The following MAPK10 variants were observed in gnomAD, a reference collection of about 807,000 sequenced individuals.
The protein encoded by MAPK10 is mitogen-activated protein kinase 10.
A neutral mutation model predicts 59.3 loss-of-function variants in MAPK10; 25 were observed. The ratio of observed to expected loss-of-function variants is 0.42; its 90% CI spans 0.31 to 0.59. The LOEUF is 0.59. Ranked by LOEUF, MAPK10 falls within the 20% of genes least tolerant of loss-of-function variation. The probability of loss-of-function intolerance (pLI) is 0.15; values close to 1 mark genes in which losing one functional copy is unlikely to be tolerated. For synonymous variants in MAPK10, 190 were observed against 200.5 expected, an observed-to-expected ratio of 0.95 and a Z score of 0.44; for missense variants, 351 against 568.9, an observed-to-expected ratio of 0.62 and a Z score of 3.90.
chr4:86,100,295 C>T (rs2055099911), intron 8 of MAPK10: 1 of 152,104 alleles, frequency 6.6e-6, no homozygotes, highest in South Asian at 2.1e-4. Flanking sequence ...TAATACATTG[C>T]AATGCTTTCT....
At chr4:86,136,738 G>T (rs28886577) in intron 4 of MAPK10, among the ~76,000 whole-genome samples, 1 of 151,022 alleles carries the variant, frequency 6.6e-6, no homozygotes, top group Non-Finnish European at 1.5e-5. Flanking sequence ...ACACAGACTG[G>T]CAAATTGGAT....
rs562312558 is a variant in MAPK10, at chr4:86,062,975, A to C, written c.1110+1291T>G. On this transcript the variant is annotated intron_variant, in intron 11 of 13. Transcript: ENST00000641462. ...TGGTAAGAATCAAATAAAATGACTA[A>C]AAATTAACTTGAGGCAACATGAAAT... Among the ~76,000 whole-genome samples the C allele has an allele frequency of 3.9e-5, 6 of 152,286 alleles. No homozygotes were observed. The South Asian group carries it at 1.2e-3, about 32-fold the overall frequency.
intron 2 of MAPK10, among the ~76,000 whole-genome samples, chr4:86,211,646 A>G (rs1440767682): frequency 6.6e-6 from 1 of 152,152 alleles, no homozygotes; most frequent in Admixed American, 6.6e-5. Context: ...CAGTAAAGGA[A>G]AATATATAGA....
Position 86,043,202 on chromosome 4 carries a change from A to G in MAPK10, c.1111-11771T>C, listed in dbSNP as rs138718765. On this transcript the variant is annotated intron_variant, in intron 11 of 13. Transcript: ENST00000641462. ...GTGGAAGATAAGACTCCCAGAGAGA[A>G]AAGAAATAAGGGCTATAAAGAAAAA... 1.3e-3 allele frequency among the ~76,000 whole-genome samples: 200 copies of G among 152,264 alleles called. 1 individual carries two copies. Among genetic ancestry groups the G allele is most frequent in the African/African-American group, 4.7e-3 (195 of 41,564 alleles).
intron 1 of MAPK10, among the ~76,000 whole-genome samples, chr4:86,580,658 T>C (rs913440265): frequency 5.9e-5 from 9 of 152,228 alleles, no homozygotes; most frequent in African/African-American, 2.2e-4. Context: ...TTTCAAATGC[T>C]AAAAACCTAA....
intron 3 of MAPK10, among the ~76,000 whole-genome samples, chr4:86,176,655 T>G (rs1428881258): frequency 1.4e-5 from 2 of 147,008 alleles, no homozygotes; most frequent in Non-Finnish European, 3.0e-5. Context: ...AGAAAAAAAC[T>G]GCTCAGCATA....
In MAPK10 at chr4:86,333,599, C is replaced by T. The variant is rs529690584; in HGVS notation, c.-7+20931G>A. Among the ~76,000 whole-genome samples the T allele has an allele frequency of 7.9e-5, 12 of 152,304 alleles. No homozygotes were observed. The East Asian group carries it at 1.9e-3, about 24-fold the overall frequency. On this transcript the variant is annotated intron_variant, in intron 2 of 13. Coordinates refer to ENST00000641462, the MANE Select transcript of MAPK10 (RefSeq NM_138982.4). ...AAGCAGCAACAAGGCTGATAACTCC[C>T]TCTCTTCCCAGAGTTTCTGGACAGT...
chr4:86,500,175 A>C (rs937879710), intron 1 of MAPK10, among the ~76,000 whole-genome samples: 3 of 152,186 alleles, frequency 2.0e-5, no homozygotes, highest in African/African-American at 7.2e-5. Context: ...TATAGAAATA[A>C]AGCTTCAAAA....
chr4:86,360,187 C>T (rs1035264539), upstream of MAPK10: 1 of 985,862 alleles, frequency 1.0e-6, no homozygotes, highest in Admixed American at 6.2e-5. Context: ...GAGGAAGCGT[C>T]TATGTGCAGC....
In MAPK10 at chr4:86,549,799, T is replaced by G. The variant is rs541952012; in HGVS notation, c.-263+44111A>C. 2.6e-5 allele frequency among the ~76,000 whole-genome samples: 4 copies of G among 152,252 alleles called. No individual in the cohort carries two copies. The South Asian group carries it at 8.3e-4, about 32-fold the overall frequency. On this transcript the variant is annotated intron_variant, in intron 1 of 4. Transcript: ENST00000502302. ...GTTTGAGGTTATAGTGAGCTATGATTGTGCCATTGTACTCCAGCCTGGGTG... is the reference window on the plus strand; with the variant it reads ...GTTTGAGGTTATAGTGAGCTATGATGGTGCCATTGTACTCCAGCCTGGGTG...
intron 4 of MAPK10, among the ~76,000 whole-genome samples, chr4:86,149,844 A>C (rs2065959560): frequency 6.6e-6 from 1 of 152,150 alleles, no homozygotes; most frequent in Non-Finnish European, 1.5e-5. Context: ...TAGAGTCTGC[A>C]CTCTAACCAC....
rs537360788 is a variant in MAPK10 at position 86,374,783 on chromosome 4, C to G, written c.-121-20139G>C. The stretch of plus-strand genomic sequence containing the variant: ...TGAGTTTCTTCAAATAGCTACAGTC[C>G]CTAAACTGAAATCCCCATTCATATA... On this transcript the variant is annotated intron_variant, in intron 1 of 13. Coordinates refer to the MAPK10 transcript ENST00000361569. 8.5e-5 allele frequency among the ~76,000 whole-genome samples: 13 copies of G among 152,188 alleles called. No individual in the cohort carries two copies. The East Asian group carries it at 1.7e-3, about 20-fold the overall frequency.
In MAPK10 at chr4:86,368,027, C is replaced by A. The variant is rs574588264; in HGVS notation, c.-121-13383G>T. Among the ~76,000 whole-genome samples the A allele has an allele frequency of 6.6e-5, 10 of 152,212 alleles. No homozygotes were observed. In the East Asian group the frequency reaches 1.9e-3, roughly 29 times the overall value. ...CTCAAATGCAGTTTTTAATTAATAT[C>A]TTTTATCATGCTGTTGGAATGGGAA... On this transcript the variant is annotated intron_variant, in intron 1 of 13. Transcript: ENST00000361569.
At chr4:86,590,021 A>G (rs1762924014) in intron 1 of MAPK10, among the ~76,000 whole-genome samples, 1 of 152,150 alleles carries the variant, frequency 6.6e-6, no homozygotes, top group African/African-American at 2.4e-5. Flanking sequence ...AGACTTGGAA[A>G]TAACGTATAT....
intron 2 of MAPK10, among the ~76,000 whole-genome samples, chr4:86,261,259 T>G (rs1471000240): frequency 6.6e-6 from 1 of 152,218 alleles, no homozygotes; most frequent in African/African-American, 2.4e-5. Context: ...GACCACCTCT[T>G]TGGATGATAC....
chr4:86,184,162 A>G (rs2077593873), intron 3 of MAPK10, among the ~76,000 whole-genome samples: 1 of 151,944 alleles, frequency 6.6e-6, no homozygotes, highest in Non-Finnish European at 1.5e-5. Flanking sequence ...TCATTTGTCA[A>G]TTTTGTCTTT....
At chr4:86,484,134 C>T (rs1351038858) in intron 1 of MAPK10, among the ~76,000 whole-genome samples, 1 of 152,114 alleles carries the variant, frequency 6.6e-6, no homozygotes, top group East Asian at 1.9e-4. Flanking sequence ...GGGCTTTATC[C>T]TTGAAGCCGA....
At chr4:86,404,030 C>T (rs1244855836) in intron 1 of MAPK10, among the ~76,000 whole-genome samples, 2 of 152,266 alleles carry the variant, frequency 1.3e-5, no homozygotes, top group African/African-American at 4.8e-5. Context: ...ATACCAAAAA[C>T]CAAAGTAATA....
intron 1 of MAPK10, among the ~76,000 whole-genome samples, chr4:86,393,421 G>A (rs1742500473): frequency 1.3e-5 from 2 of 151,680 alleles, no homozygotes. Context: ...TACATTGACA[G>A]TCCTTCCATT....
Sources: gnomAD v4.1 joint callset for allele counts (sites outside exome capture counted in the v4.1 genomes callset) on GRCh38, gnomAD v4.1.1 for gene constraint, MANE v1.5 for transcripts, NCBI Gene and HGNC (gene_info 2026-07-23, HGNC 2026-07-21) for gene names.